Variants in TMC3 observed in about 807,000 individuals in gnomAD.
TMC3 encodes the protein transmembrane channel like 3.
Under a neutral mutation model 110.6 loss-of-function variants are expected in TMC3, and 98 were observed. The observed-to-expected ratio is 0.89, with a 90% confidence interval of 0.75 to 1.05. The LOEUF is 1.05. Among genes scored for constraint, TMC3 ranks in the 50% least tolerant of loss-of-function variants. The probability of loss-of-function intolerance (pLI) is 0.00; values close to 1 mark genes in which losing one functional copy is unlikely to be tolerated. For missense variants in TMC3, 1,319 were observed against 1,373.2 expected, an observed-to-expected ratio of 0.96 and a Z score of 0.62; for synonymous variants, 489 against 513.1, an observed-to-expected ratio of 0.95 and a Z score of 0.63.
rs1173531708 is a variant in TMC3, at chr15:81,338,040, T to C, written c.2082-116A>G. 9.8e-5 allele frequency: 77 copies of C among 787,636 alleles called. 2 individuals carry two copies. The South Asian group carries it at 9.8e-4, about 10-fold the overall frequency. 48.8% of individuals were successfully genotyped at this position (787,636 alleles called of 1,614,324 possible). ...AGAGGCTCCCAGGCCAGATGCGGGCTATCCACTGACCCTCCGCTAAGGACA... is the reference window on the plus strand; with the variant it reads ...AGAGGCTCCCAGGCCAGATGCGGGCCATCCACTGACCCTCCGCTAAGGACA... On this transcript the variant is annotated intron_variant, in intron 18 of 21. Coordinates refer to ENST00000359440, the MANE Select transcript of TMC3 (RefSeq NM_001080532.3).
At chr15:81,339,316 G>A (rs1893662988) in intron 17 of TMC3, 78 bp downstream of exon 17, 1 of 1,089,284 alleles carries the variant, frequency 9.2e-7, no homozygotes, top group Non-Finnish European at 1.4e-6. Flanking sequence ...TGTGAGCTTG[G>A]AGGAGAATTC....
chr15:81,335,363 G>T (rs1225501976), intron 20 of TMC3, among the ~76,000 whole-genome samples: 1 of 152,200 alleles, frequency 6.6e-6, no homozygotes, highest in Non-Finnish European at 1.5e-5. Flanking sequence ...ATGTGGTCTC[G>T]AGCTGGAAAA....
chr15:81,335,820 C>T (rs1423835639), intron 20 of TMC3: 4 of 152,252 alleles, frequency 2.6e-5, no homozygotes, highest in African/African-American at 4.8e-5. Context: ...TGCCCACTTT[C>T]TTCCCTTCAG....
In TMC3 at chr15:81,344,007, G is replaced by T. The variant is rs778542455; in HGVS notation, c.1557C>A (p.Thr519=). The part of the protein sequence containing the change: ...LKLSIIDMLF[T]VASILLIDFF... Reference sequence around the variant, plus strand: ...AGTCTATGAGCAGAATGCTCGCCACGGTGAAGAGCATGTCAATGATGGAGA... The same window carrying T: ...AGTCTATGAGCAGAATGCTCGCCACTGTGAAGAGCATGTCAATGATGGAGA... Residue 519 remains threonine, a synonymous_variant, in exon 14 of 22, where the codon ACC becomes ACA. Transcript: ENST00000359440. 1.2e-6 allele frequency: 2 copies of T among 1,612,534 alleles called. No individual in the cohort carries two copies. The highest frequency in any genetic ancestry group is 1.7e-5 in the Admixed American group (1 of 59,990).
chr15:81,350,348 C>T (rs1033006299), intron 10 of TMC3, among the ~76,000 whole-genome samples: 1 of 152,154 alleles, frequency 6.6e-6, no homozygotes, highest in Admixed American at 6.5e-5. Flanking sequence ...CAACTATTAC[C>T]AATAGAAAAG....
intron 19 of TMC3, 94 bp from the exon 20 acceptor site, chr15:81,336,745 A>T (rs777801706): frequency 6.9e-6 from 9 of 1,297,850 alleles, no homozygotes; most frequent in Admixed American, 5.1e-5. Context: ...TTTACATGCC[A>T]TAGTTCTTAC....
intron 1 of TMC3, among the ~76,000 whole-genome samples, 193 bp downstream of exon 1, chr15:81,373,796 G>A (rs1894489706): frequency 6.6e-6 from 1 of 152,168 alleles, no homozygotes; most frequent in Admixed American, 6.5e-5. Flanking sequence ...GCAGCCAGAA[G>A]AACCATTTCC....
At chr15:81,338,612 AAC>A (rs754826992) in intron 18 of TMC3, 41 bp downstream of exon 18, 1 of 1,589,526 alleles carries the variant, frequency 6.3e-7, no homozygotes, top group East Asian at 2.2e-5. Flanking sequence ...TTGTTGGCCA[AAC>A]ACACAGAAGT....
At chr15:81,359,592 T>C in intron 4 of TMC3, 121 bp from the exon 5 acceptor site, 1 of 640,934 alleles carries the variant, frequency 1.6e-6, no homozygotes, top group Non-Finnish European at 2.7e-6. Flanking sequence ...AATGCCATTA[T>C]TGTACCAATC....
At chr15:81,345,121 C>G in intron 12 of TMC3, 110 bp from the exon 13 acceptor site, 1 of 1,462,002 alleles carries the variant, frequency 6.8e-7, no homozygotes, top group Non-Finnish European at 9.0e-7. Flanking sequence ...CATTGCATTG[C>G]TTGGGAGTAA....
At chr15:81,362,636 A>G (rs1262605527) in intron 3 of TMC3, among the ~76,000 whole-genome samples, 1 of 152,176 alleles carries the variant, frequency 6.6e-6, no homozygotes, top group East Asian at 1.9e-4. Flanking sequence ...ATTCCTGATG[A>G]GGGGTATCTC....
intron 16 of TMC3, 133 bp downstream of exon 16, chr15:81,341,257 T>C: frequency 1.1e-6 from 1 of 926,378 alleles, no homozygotes; most frequent in Non-Finnish European, 1.5e-6. Context: ...GAGACAAAAT[T>C]GGAGGACAGG....
chr15:81,332,219 G>T lies in TMC3; in HGVS notation c.*200C>A. The T allele has an allele frequency of 1.5e-6, 1 of 656,296 alleles. No homozygotes were observed. The highest frequency in any genetic ancestry group is 2.4e-6 in the Non-Finnish European group (1 of 412,626). The allele number at this position is 656,296 out of a possible 1,614,324, so 40.7% of individuals were successfully genotyped here. On this transcript the variant is annotated 3_prime_UTR_variant, in exon 22 of 22. Coordinates refer to ENST00000359440, the MANE Select transcript of TMC3 (RefSeq NM_001080532.3). Reference sequence around the variant, plus strand: ...GACATACTTTGGTGCCACCTAACTCGGATAAATTTGGCTAACAGTAGCTGT... The same window carrying T: ...GACATACTTTGGTGCCACCTAACTCTGATAAATTTGGCTAACAGTAGCTGT...
intron 7 of TMC3, among the ~76,000 whole-genome samples, chr15:81,357,234 G>A (rs958470207): frequency 7.9e-5 from 12 of 152,108 alleles, no homozygotes; most frequent in African/African-American, 2.9e-4. Flanking sequence ...GAGCTAAGCT[G>A]GAAAGCTTCA....
rs372946846 is a variant in TMC3, at chr15:81,358,550, C to A, written c.502-50G>T. ...TGTGGTCCTCTGGGTGGGAGGGGAC[C>A]GGGAGAAAATGAGAGGTTGATCTCC... On this transcript the variant is annotated intron_variant, in intron 5 of 21. Transcript: ENST00000359440. The A allele has an allele frequency of 3.4e-6, 5 of 1,484,798 alleles. No individual in the cohort carries two copies. The Admixed American group carries it at 8.3e-5, about 25-fold the overall frequency. 92.0% of individuals were successfully genotyped at this position (1,484,798 alleles called of 1,614,324 possible).
intron 17 of TMC3, 84 bp downstream of exon 17, chr15:81,339,310 A>T: frequency 1.9e-6 from 2 of 1,045,152 alleles, no homozygotes; most frequent in Non-Finnish European, 2.9e-6. Flanking sequence ...CTGCTCTGTG[A>T]GCTTGGAGGA....
Position 81,351,756 on chromosome 15 carries a change from C to T in TMC3, c.1021G>A (p.Val341Met), listed in dbSNP as rs1306887484. 2.5e-6 allele frequency: 4 copies of T among 1,596,250 alleles called. No individual in the cohort carries two copies. The African/African-American group carries it at 4.0e-5, about 16-fold the overall frequency. Residue 341 changes from valine to methionine, a missense_variant, in exon 10 of 22, where the codon GTG becomes ATG. By Grantham distance (21) the Val-to-Met change is conservative (BLOSUM62 1). Coordinates refer to ENST00000359440, the MANE Select transcript of TMC3 (RefSeq NM_001080532.3). ...AGSIYLIYFV[V>M]DRSQKLEQSK... ...TGCTCCAGCTTCTGGGACCGGTCCA[C>T]CACAAAGTAGATGAGATAAATGCTC... is the stretch of plus-strand genomic sequence containing the variant.
intron 8 of TMC3, among the ~76,000 whole-genome samples, 170 bp from the exon 9 acceptor site, chr15:81,355,938 AAAT>A (rs1303487377): frequency 1.4e-5 from 2 of 145,704 alleles, no homozygotes; most frequent in Admixed American, 1.3e-4. Flanking sequence ...TCAATTGAAA[AAAT>A]ATTGGCGGTT....
chr15:81,352,987 A>G (rs1378206070), intron 9 of TMC3, among the ~76,000 whole-genome samples: 1 of 151,942 alleles, frequency 6.6e-6, no homozygotes, highest in Non-Finnish European at 1.5e-5. Context: ...CACCTGGCTA[A>G]TTTTTGTATT....
Sources: gnomAD v4.1 joint callset for allele counts (sites outside exome capture counted in the v4.1 genomes callset) on GRCh38, gnomAD v4.1.1 for gene constraint, MANE v1.5 for transcripts, NCBI Gene and HGNC (gene_info 2026-07-23, HGNC 2026-07-21) for gene names.